The following MAST4 variants were observed in gnomAD, a reference collection of about 807,000 sequenced individuals.
MAST4 encodes the protein microtubule associated serine/threonine kinase family member 4.
Under a neutral mutation model 162.7 loss-of-function variants are expected in MAST4, and 89 were observed. That is an observed-to-expected ratio of 0.55 (90% confidence interval 0.46 to 0.65). The LOEUF (loss-of-function observed/expected upper bound fraction) is 0.65. Among genes scored for constraint, MAST4 ranks in the 30% least tolerant of loss-of-function variants. The probability of loss-of-function intolerance (pLI) is 0.00; values close to 1 mark genes in which losing one functional copy is unlikely to be tolerated. For synonymous variants in MAST4, 1,479 were observed against 1,361.1 expected, an observed-to-expected ratio of 1.09 and a Z score of -1.91; for missense variants, 3,153 against 3,374.0, an observed-to-expected ratio of 0.93 and a Z score of 1.62.
chr5:66,778,029 A>G (rs1754683613), intron 2 of MAST4, among the ~76,000 whole-genome samples: 1 of 152,164 alleles, frequency 6.6e-6, no homozygotes, highest in Non-Finnish European at 1.5e-5. Flanking sequence ...GAGGGAGGCC[A>G]GTTTGCAGAT....
chr5:66,640,081 A>G (rs2149433862), intron 1 of MAST4, among the ~76,000 whole-genome samples: 1 of 151,842 alleles, frequency 6.6e-6, no homozygotes, highest in South Asian at 2.1e-4. Context: ...TTGACCTACA[A>G]CTCCCCATTC....
chr5:66,787,330 CAG>C (rs1755163634), intron 2 of MAST4, among the ~76,000 whole-genome samples: 2 of 152,176 alleles, frequency 1.3e-5, no homozygotes, highest in South Asian at 4.1e-4. Context: ...AATTTTTCTC[CAG>C]AGTCTGTGCT....
intron 4 of MAST4, among the ~76,000 whole-genome samples, chr5:67,034,227 G>T (rs1755734730): frequency 6.6e-6 from 1 of 152,120 alleles, no homozygotes; most frequent in African/African-American, 2.4e-5. Context: ...CTTTATGTAA[G>T]GTGCTGAAAG....
chr5:67,087,057 A>G (rs1272904074), intron 5 of MAST4, among the ~76,000 whole-genome samples: 1 of 152,188 alleles, frequency 6.6e-6, no homozygotes, highest in African/African-American at 2.4e-5. Flanking sequence ...TGCTAGTCTT[A>G]TAATTCCTCC....
At chr5:66,880,967 T>A (rs1220708883) in intron 3 of MAST4, among the ~76,000 whole-genome samples, 1 of 152,172 alleles carries the variant, frequency 6.6e-6, no homozygotes, top group Non-Finnish European at 1.5e-5. Context: ...CCATAGATCT[T>A]GAACACTGTT....
intron 4 of MAST4, among the ~76,000 whole-genome samples, chr5:66,975,260 C>G (rs189412374): frequency 6.6e-6 from 1 of 152,166 alleles, no homozygotes; most frequent in African/African-American, 2.4e-5. Context: ...GAATATATCT[C>G]TATTGTTTTA....
At chr5:66,647,170 C>G (rs1249311330) in intron 1 of MAST4, among the ~76,000 whole-genome samples, 2 of 152,156 alleles carry the variant, frequency 1.3e-5, no homozygotes, top group Non-Finnish European at 2.9e-5. Flanking sequence ...CCCATTCTCT[C>G]CTAAACACTT....
chr5:66,645,782 G>A (rs1444941461), intron 1 of MAST4, among the ~76,000 whole-genome samples: 1 of 152,112 alleles, frequency 6.6e-6, no homozygotes, highest in South Asian at 2.1e-4. Context: ...TCGAACTGCA[G>A]CATTTACAAT....
intron 1 of MAST4, among the ~76,000 whole-genome samples, chr5:66,640,709 CTA>C (rs1745439982): frequency 6.6e-6 from 1 of 152,216 alleles, no homozygotes; most frequent in Non-Finnish European, 1.5e-5. Context: ...GACAATATCT[CTA>C]TGAGGTGCTG....
intron 3 of MAST4, among the ~76,000 whole-genome samples, chr5:66,824,376 C>G (rs758391263): frequency 6.6e-6 from 1 of 152,130 alleles, no homozygotes; most frequent in Non-Finnish European, 1.5e-5. Context: ...GCTAGTGTGG[C>G]GGGAGAAACA....
At chr5:67,142,334 A>G (rs1437095242) in intron 20 of MAST4, 87 bp from the exon 21 acceptor site, 15 of 1,535,760 alleles carry the variant, frequency 9.8e-6, no homozygotes, top group African/African-American at 1.4e-5. Context: ...GTTCTTAAAC[A>G]TAATGTTGAT....
chr5:66,756,094 T>C (rs903968758), intron 1 of MAST4, among the ~76,000 whole-genome samples: 2 of 152,226 alleles, frequency 1.3e-5, no homozygotes, highest in East Asian at 1.9e-4. Flanking sequence ...ACATGTTTCC[T>C]GTGATAAACT....
intron 21 of MAST4, among the ~76,000 whole-genome samples, chr5:67,143,755 G>A (rs1461309335): frequency 6.6e-6 from 1 of 152,152 alleles, no homozygotes; most frequent in African/African-American, 2.4e-5. Context: ...GCTTTGCTAA[G>A]TGTGGACTCA....
chr5:66,867,815 G>A (rs1450313094), intron 3 of MAST4, among the ~76,000 whole-genome samples: 1 of 152,202 alleles, frequency 6.6e-6, no homozygotes, highest in Middle Eastern at 3.2e-3. Context: ...GCCCTGTGGG[G>A]CTTGCCCAGA....
chr5:67,037,870 A>AT (rs11384871), intron 4 of MAST4, among the ~76,000 whole-genome samples: 53,799 of 150,950 alleles, frequency 0.36, 9,913 homozygotes, highest in Non-Finnish European at 0.39. Context: ...TTGCCCAGGG[A>AT]TTTTTTTTTC....
At chr5:66,714,721 T>C (rs1378145773) in intron 1 of MAST4, among the ~76,000 whole-genome samples, 4 of 152,242 alleles carry the variant, frequency 2.6e-5, no homozygotes, top group Non-Finnish European at 4.4e-5. Context: ...TTTTAAACAA[T>C]ACCACTTTTT....
At chr5:66,771,498 T>C (rs1456582266) in intron 2 of MAST4, among the ~76,000 whole-genome samples, 5 of 152,170 alleles carry the variant, frequency 3.3e-5, no homozygotes, top group Non-Finnish European at 7.3e-5. Flanking sequence ...TGTGTAAATA[T>C]ATTTCTATCG....
chr5:67,066,151 A>G (rs1311993669), intron 5 of MAST4, among the ~76,000 whole-genome samples: 1 of 152,184 alleles, frequency 6.6e-6, no homozygotes, highest in African/African-American at 2.4e-5. Flanking sequence ...AGATGTTTTT[A>G]AAAATATGTT....
chr5:67,024,930 T>C (rs1425837681), intron 4 of MAST4, among the ~76,000 whole-genome samples: 3 of 152,094 alleles, frequency 2.0e-5, no homozygotes, highest in Non-Finnish European at 4.4e-5. Context: ...TATATAACTG[T>C]GTACCCCACG....
Sources: allele counts gnomAD v4.1 joint callset (sites outside exome capture counted in the v4.1 genomes callset), GRCh38; gene constraint gnomAD v4.1.1; transcripts MANE v1.5; gene names NCBI Gene and HGNC (gene_info 2026-07-23, HGNC 2026-07-21).